Variants in LARGE1 observed in about 807,000 individuals in gnomAD.
LARGE1 encodes LARGE xylosyl- and glucuronyltransferase 1.
A neutral mutation model predicts 87.6 loss-of-function variants in LARGE1; 43 were observed. The observed-to-expected ratio is 0.49, with a 90% CI of 0.38 to 0.63. The LOEUF is 0.63. Among genes scored for constraint, LARGE1 ranks in the 30% least tolerant of loss-of-function variants. The probability of loss-of-function intolerance (pLI) is 0.00; values close to 1 mark genes in which losing one functional copy is unlikely to be tolerated. For missense variants in LARGE1, 802 were observed against 1,000.2 expected (o/e 0.80, Z 2.67); for synonymous variants, 434 against 394.6 (o/e 1.10, Z -1.18).
At chr22:33,919,599 C>A (rs1010401946) in intron 1 of LARGE1, among the ~76,000 whole-genome samples, 1 of 152,276 alleles carries the variant, frequency 6.6e-6, no homozygotes, top group Non-Finnish European at 1.5e-5. Flanking sequence ...CAGCATCACA[C>A]CACGAAAGGT....
intron 1 of LARGE1, among the ~76,000 whole-genome samples, chr22:33,836,602 G>C (rs967620637): frequency 6.6e-6 from 1 of 152,050 alleles, no homozygotes; most frequent in Non-Finnish European, 1.5e-5. Context: ...CCACACCCAG[G>C]CATCTCAGCT....
intron 5 of LARGE1, among the ~76,000 whole-genome samples, chr22:33,581,668 C>T (rs867630529): frequency 1.3e-5 from 2 of 151,674 alleles, no homozygotes; most frequent in African/African-American, 2.4e-5. Context: ...AAAAATTAGC[C>T]GGGGGTGGTG....
chr22:33,661,578 G>A (rs1286578658), intron 2 of LARGE1, among the ~76,000 whole-genome samples: 1 of 151,938 alleles, frequency 6.6e-6, no homozygotes, highest in Non-Finnish European at 1.5e-5. Flanking sequence ...GGGTTACAGA[G>A]GATGAAAGAT....
intron 11 of LARGE1, among the ~76,000 whole-genome samples, chr22:33,224,385 T>C (rs1408736929): frequency 1.3e-5 from 2 of 152,236 alleles, no homozygotes; most frequent in African/African-American, 4.8e-5. Context: ...ACATGGTATT[T>C]GTTCATAGAT....
chr22:33,763,529 T>C (rs916359339), intron 1 of LARGE1, among the ~76,000 whole-genome samples: 7 of 152,084 alleles, frequency 4.6e-5, no homozygotes, highest in Non-Finnish European at 1.0e-4. Context: ...TCACAGAGAA[T>C]AAGAACCACC....
chr22:33,466,171 A>G (rs779409028), intron 6 of LARGE1, among the ~76,000 whole-genome samples: 2 of 152,118 alleles, frequency 1.3e-5, no homozygotes, highest in East Asian at 1.9e-4. Context: ...GCCCACGCAC[A>G]TGCTGAAATG....
At chr22:33,909,046 C>T (rs1428898621) in intron 1 of LARGE1, among the ~76,000 whole-genome samples, 1 of 152,126 alleles carries the variant, frequency 6.6e-6, no homozygotes, top group African/African-American at 2.4e-5. Flanking sequence ...TAACCCTGAG[C>T]CCATTTGAAC....
intron 1 of LARGE1, among the ~76,000 whole-genome samples, chr22:33,899,736 A>G (rs2065236125): frequency 6.6e-6 from 1 of 152,236 alleles, no homozygotes; most frequent in African/African-American, 2.4e-5. Context: ...GCAAAGCAAC[A>G]TCGATGACCA....
chr22:33,145,732 C>T, the LARGE1 span, among the ~76,000 whole-genome samples: 1 of 152,240 alleles, frequency 6.6e-6, no homozygotes, highest in Non-Finnish European at 1.5e-5. Flanking sequence ...ATGCTTTCTA[C>T]TGCTCTCAGC....
chr22:33,872,726 G>A (rs920216195), intron 1 of LARGE1, among the ~76,000 whole-genome samples: 8 of 152,152 alleles, frequency 5.3e-5, no homozygotes, highest in African/African-American at 1.7e-4. Context: ...GGCCAGGCGC[G>A]GTGGCTCATG....
intron 1 of LARGE1, among the ~76,000 whole-genome samples, chr22:33,862,098 T>G (rs1137719): frequency 0.025 from 3,728 of 152,014 alleles, 153 homozygotes; most frequent in African/African-American, 0.084. Context: ...TGACCTCAAA[T>G]GATCCACCTG....
intron 6 of LARGE1, among the ~76,000 whole-genome samples, chr22:33,484,824 T>G (rs1345420803): frequency 6.6e-6 from 1 of 152,146 alleles, no homozygotes; most frequent in Non-Finnish European, 1.5e-5. Flanking sequence ...CTTATTGTCA[T>G]TTTTGTGACA....
At chr22:33,541,083 A>G (rs1377085884) in intron 6 of LARGE1, among the ~76,000 whole-genome samples, 44 of 59,098 alleles carry the variant, frequency 7.4e-4, no homozygotes, top group Non-Finnish European at 1.0e-3. Flanking sequence ...GGCGGGTTGC[A>G]GGGGGAGAAT....
At chr22:33,869,828 G>C (rs5754726) in intron 1 of LARGE1, among the ~76,000 whole-genome samples, 1 of 152,208 alleles carries the variant, frequency 6.6e-6, no homozygotes, top group Admixed American at 6.5e-5. Context: ...AAGATGTTCA[G>C]AGAACTGCCC....
intron 11 of LARGE1, among the ~76,000 whole-genome samples, chr22:33,253,018 G>A (rs774557948): frequency 3.9e-5 from 6 of 152,202 alleles, no homozygotes; most frequent in Non-Finnish European, 7.3e-5. Context: ...TTAGAATGGG[G>A]AGATTATGAG....
At chr22:33,096,198 G>A in the LARGE1 span, among the ~76,000 whole-genome samples, 2 of 151,924 alleles carry the variant, frequency 1.3e-5, no homozygotes, top group African/African-American at 4.8e-5. Flanking sequence ...GGTGGATCAC[G>A]TGAGGTCAGG....
chr22:33,586,823 T>C (rs980557928), intron 5 of LARGE1, among the ~76,000 whole-genome samples: 1 of 152,156 alleles, frequency 6.6e-6, no homozygotes, highest in Non-Finnish European at 1.5e-5. Flanking sequence ...TTTCCTTCCC[T>C]CCCTCTGCTC....
At chr22:33,556,871 T>C (rs2077706244) in intron 6 of LARGE1, among the ~76,000 whole-genome samples, 1 of 151,968 alleles carries the variant, frequency 6.6e-6, no homozygotes, top group African/African-American at 2.4e-5. Context: ...CCAGGCGTGG[T>C]GGTGCACGCC....
chr22:33,353,399 C>CTT (rs879900631), intron 9 of LARGE1, among the ~76,000 whole-genome samples: 2 of 138,834 alleles, frequency 1.4e-5, no homozygotes, highest in Non-Finnish European at 3.2e-5. Context: ...TTCTTTTTTT[C>CTT]TTTTTTTTTT....
Sources: allele counts gnomAD v4.1 joint callset (sites outside exome capture counted in the v4.1 genomes callset), GRCh38; gene constraint gnomAD v4.1.1; transcripts MANE v1.5; gene names NCBI Gene and HGNC (gene_info 2026-07-23, HGNC 2026-07-21).